Variants in SAMD12 observed in about 807,000 individuals in gnomAD.
SAMD12 encodes sterile alpha motif domain-containing protein 12.
In SAMD12, 9 loss-of-function variants were observed where a neutral mutation model predicts 15.0. The ratio of observed to expected loss-of-function variants is 0.60; its 90% CI spans 0.36 to 1.05. SAMD12 has a LOEUF of 1.05. SAMD12 is among the 50% of genes least tolerant of loss of function. The pLI is 0.01. For missense variants in SAMD12, 230 were observed against 234.2 expected (o/e 0.98, Z 0.12); for synonymous variants, 86 against 90.1 (o/e 0.96, Z 0.25).
intron 2 of SAMD12, among the ~76,000 whole-genome samples, chr8:118,572,990 T>C (rs1827059002): frequency 6.6e-6 from 1 of 152,144 alleles, no homozygotes; most frequent in Non-Finnish European, 1.5e-5. Flanking sequence ...GCAGCTGGCA[T>C]TTCCCCTTCT....
chr8:118,341,191 A>T (rs1423119063), intron 4 of SAMD12, among the ~76,000 whole-genome samples: 1 of 152,018 alleles, frequency 6.6e-6, no homozygotes, highest in Non-Finnish European at 1.5e-5. Context: ...TGGTCTTCTC[A>T]CAGCATGGTG....
At chr8:118,294,182 C>T (rs1490454777) in intron 4 of SAMD12, among the ~76,000 whole-genome samples, 2 of 152,166 alleles carry the variant, frequency 1.3e-5, no homozygotes, top group African/African-American at 2.4e-5. Flanking sequence ...GTCTGCCATG[C>T]AGCACTGGAG....
downstream of SAMD12, among the ~76,000 whole-genome samples, chr8:118,185,921 C>T (rs1819235647): frequency 6.6e-6 from 1 of 152,148 alleles, no homozygotes; most frequent in African/African-American, 2.4e-5. Context: ...CACTTCTTTC[C>T]TGAGGGTCTG....
At chr8:118,450,528 G>C (rs1343076856) in intron 2 of SAMD12, among the ~76,000 whole-genome samples, 1 of 152,138 alleles carries the variant, frequency 6.6e-6, no homozygotes, top group Non-Finnish European at 1.5e-5. Flanking sequence ...CTCTGTGAAT[G>C]TTCGATGAAT....
downstream of SAMD12, among the ~76,000 whole-genome samples, chr8:118,184,927 G>C (rs1819218180): frequency 7.0e-6 from 1 of 142,294 alleles, no homozygotes; most frequent in Admixed American, 7.1e-5. Flanking sequence ...TGAAATCTTT[G>C]AAAGACTTCT....
intron 4 of SAMD12, among the ~76,000 whole-genome samples, chr8:118,281,961 A>C (rs921867222): frequency 1.3e-5 from 2 of 152,182 alleles, no homozygotes; most frequent in African/African-American, 2.4e-5. Flanking sequence ...TGCATCCTTC[A>C]GGTGCTTTCT....
intron 4 of SAMD12, among the ~76,000 whole-genome samples, chr8:118,219,249 T>G (rs1378116859): frequency 1.3e-5 from 2 of 152,260 alleles, no homozygotes; most frequent in Non-Finnish European, 2.9e-5. Context: ...GTTTGCCTTC[T>G]GTTCACATCT....
intron 2 of SAMD12, among the ~76,000 whole-genome samples, chr8:118,508,095 G>A (rs1824972918): frequency 1.4e-5 from 2 of 147,924 alleles, no homozygotes; most frequent in African/African-American, 5.0e-5. Context: ...CTGGGATCAA[G>A]GGATCTTCCT....
Position 118,537,266 on chromosome 8 carries a change from A to T in SAMD12, c.192+43449T>A, listed in dbSNP as rs189462562. On this transcript the variant is annotated intron_variant, in intron 2 of 3. Coordinates refer to ENST00000314727, the MANE Select transcript of SAMD12 (RefSeq NM_207506.3). ...TAAGTCTTGAGGTAGTCTTTGGGTC[A>T]AATCTGTTTGGTGTTCTATAACCTT... Among the ~76,000 whole-genome samples, 721 of 152,158 alleles carry T rather than the reference A, an allele frequency of 4.7e-3. 3 individuals are homozygous for T. The highest frequency in any genetic ancestry group is 5.6e-3 in the Non-Finnish European group (383 of 67,992).
chr8:118,214,712 T>C (rs1811914169), intron 4 of SAMD12, among the ~76,000 whole-genome samples: 1 of 152,230 alleles, frequency 6.6e-6, no homozygotes, highest in African/African-American at 2.4e-5. Flanking sequence ...TTGAATTCAA[T>C]ACAAATAACT....
At chr8:118,444,283 A>G (rs1372411189) in intron 2 of SAMD12, among the ~76,000 whole-genome samples, 1 of 152,090 alleles carries the variant, frequency 6.6e-6, no homozygotes, top group Non-Finnish European at 1.5e-5. Context: ...CTCTGAATTT[A>G]CAACCCTGGA....
chr8:118,521,496 G>A (rs1331612743), intron 2 of SAMD12, among the ~76,000 whole-genome samples: 1 of 152,026 alleles, frequency 6.6e-6, no homozygotes, highest in Non-Finnish European at 1.5e-5. Flanking sequence ...TTCCATTCTC[G>A]CTTTTACCTT....
the SAMD12 span, among the ~76,000 whole-genome samples, chr8:118,171,875 A>G: frequency 0.048 from 7,373 of 152,176 alleles, 597 homozygotes; most frequent in African/African-American, 0.17. Flanking sequence ...AACCAACCCA[A>G]ATGCCCACCA....
chr8:118,326,098 T>G (rs1057277302), intron 4 of SAMD12, among the ~76,000 whole-genome samples: 2 of 152,190 alleles, frequency 1.3e-5, no homozygotes, highest in African/African-American at 4.8e-5. Context: ...TCACACCTGG[T>G]GCTTCAATTT....
intron 4 of SAMD12, among the ~76,000 whole-genome samples, chr8:118,242,490 T>C (rs1179263515): frequency 1.3e-5 from 2 of 152,148 alleles, no homozygotes; most frequent in African/African-American, 4.8e-5. Flanking sequence ...ACTTTTATTA[T>C]AGTATATTGC....
intron 4 of SAMD12, among the ~76,000 whole-genome samples, chr8:118,276,869 C>T (rs1351434123): frequency 6.6e-6 from 1 of 152,074 alleles, no homozygotes; most frequent in East Asian, 1.9e-4. Context: ...GACAGGGTTT[C>T]GCCATGTTGA....
rs180973270 is a variant in SAMD12, at chr8:118,486,210, A to C, written c.193-46249T>G. Among the ~76,000 whole-genome samples the C allele has an allele frequency of 2.0e-3, 302 of 152,100 alleles. 1 individual carries two copies. The highest frequency in any genetic ancestry group is 3.2e-3 in the Admixed American group (49 of 15,270). On this transcript the variant is annotated intron_variant, in intron 2 of 3. Coordinates refer to ENST00000314727, the MANE Select transcript of SAMD12 (RefSeq NM_207506.3). ...CGGGCAGATCACGAGGTCAGGAGAT[A>C]GAGACCATCCTGGCTAACACGGTGA...
intron 2 of SAMD12, among the ~76,000 whole-genome samples, chr8:118,478,801 G>T (rs910459397): frequency 1.3e-5 from 2 of 152,128 alleles, no homozygotes; most frequent in Non-Finnish European, 2.9e-5. Context: ...CATGATCTGT[G>T]CTGTTTCTCC....
intron 4 of SAMD12, among the ~76,000 whole-genome samples, chr8:118,303,503 T>C (rs537569689): frequency 5.8e-4 from 88 of 152,292 alleles, no homozygotes; most frequent in Admixed American, 2.0e-3. Context: ...AGAGAGGCAT[T>C]ACCAAGAGCA....
Sources: allele counts gnomAD v4.1 joint callset (sites outside exome capture counted in the v4.1 genomes callset), GRCh38; gene constraint gnomAD v4.1.1; transcripts MANE v1.5; gene names NCBI Gene and HGNC (gene_info 2026-07-23, HGNC 2026-07-21).